Variants in WARS2 observed in about 807,000 individuals in gnomAD.
WARS2 encodes the protein tryptophanyl tRNA synthetase 2, mitochondrial, also known as tryptophan--tRNA ligase, mitochondrial.
A neutral mutation model predicts 36.5 loss-of-function variants in WARS2; 28 were observed. The observed-to-expected ratio is 0.77, with a 90% confidence interval of 0.57 to 1.05. The LOEUF (loss-of-function observed/expected upper bound fraction) is 1.05. Ranked by LOEUF, WARS2 falls within the 50% of genes least tolerant of loss-of-function variation. The probability of loss-of-function intolerance (pLI) is 0.00; values close to 1 mark genes in which losing one functional copy is unlikely to be tolerated. For synonymous variants in WARS2, 174 were observed against 178.4 expected (o/e 0.98, Z 0.20); for missense variants, 435 against 456.8 (o/e 0.95, Z 0.44).
chr1:119,078,897 C>CGT (rs144044142), intron 1 of WARS2, among the ~76,000 whole-genome samples: 31,067 of 148,288 alleles, frequency 0.21, 3,751 homozygotes, highest in Non-Finnish European at 0.29. Context: ...TGAAGGTGCA[C>CGT]GTGTGTGTGT....
At chr1:119,129,733 A>AAAT (rs1655956723) in intron 1 of WARS2, among the ~76,000 whole-genome samples, 1 of 151,828 alleles carries the variant, frequency 6.6e-6, no homozygotes, top group Non-Finnish European at 1.5e-5. Context: ...AAAATAAAAA[A>AAAT]AAAATAAAAT....
rs772986745 is a variant in WARS2 at position 119,033,215 on chromosome 1, G to A, written c.779C>T (p.Ser260Leu). ...GCCAGCCGGGTCATAGGTGACCTCC[G>A]AGGTGAAGTCTGTCACAGCCTTGCG... ...KFRKAVTDFT[S>L]EVTYDPAGRA... Residue 260 changes from serine to leucine, a missense_variant, in exon 6 of 6, where the codon TCG becomes TTG. Coordinates refer to ENST00000235521, the MANE Select transcript of WARS2 (RefSeq NM_015836.4). 2.5e-6 allele frequency: 4 copies of A among 1,614,230 alleles called. No homozygotes were observed. The highest frequency in any genetic ancestry group is 2.5e-6 in the Non-Finnish European group (3 of 1,180,040).
At chr1:119,051,027 CT>C (rs911695419) in intron 2 of WARS2, among the ~76,000 whole-genome samples, 3 of 151,656 alleles carry the variant, frequency 2.0e-5, no homozygotes, top group African/African-American at 7.2e-5. Context: ...CTGCATTTTG[CT>C]TTTTTTTTAA....
At chr1:119,128,557 T>A (rs1655849852) in intron 1 of WARS2, among the ~76,000 whole-genome samples, 1 of 151,946 alleles carries the variant, frequency 6.6e-6, no homozygotes, top group South Asian at 2.1e-4. Context: ...AAAGCTTGAT[T>A]TAACATTCCC....
At chr1:119,087,913 C>T (rs1449584060) in intron 1 of WARS2, among the ~76,000 whole-genome samples, 1 of 152,150 alleles carries the variant, frequency 6.6e-6, no homozygotes. Context: ...GTTTCCAGTA[C>T]CAGCAGTAGC....
chr1:119,113,325 A>G (rs1654766925), intron 1 of WARS2, among the ~76,000 whole-genome samples: 5 of 152,134 alleles, frequency 3.3e-5, no homozygotes, highest in Admixed American at 3.3e-4. Flanking sequence ...TGTAAGAGTC[A>G]TATGCCCAAG....
In WARS2 at chr1:119,045,564, C is replaced by A; in HGVS notation, c.429+18G>T. 1 of 1,575,342 alleles carries A rather than the reference C, an allele frequency of 6.3e-7. No individual in the cohort carries two copies. Among genetic ancestry groups the A allele is most frequent in the South Asian group, 1.2e-5 (1 of 86,886 alleles). ...AATAGCTTCTTGTCTGTTTATTAAT[C>A]AGATTACTGGCATTTACCTTCCACT... On this transcript the variant is annotated intron_variant, in intron 3 of 5. Transcript: ENST00000235521.
At chr1:119,053,221 GAA>G (rs953562308) in intron 2 of WARS2, among the ~76,000 whole-genome samples, 3 of 152,076 alleles carry the variant, frequency 2.0e-5, no homozygotes, top group African/African-American at 7.2e-5. Flanking sequence ...TTTTAAAAAA[GAA>G]GAGGAAAAAT....
intron 1 of WARS2, among the ~76,000 whole-genome samples, chr1:119,080,901 A>C (rs1048954420): frequency 1.3e-5 from 2 of 152,256 alleles, no homozygotes; most frequent in African/African-American, 4.8e-5. Context: ...TTCAAGGGGA[A>C]GCCTGGAGCA....
At chr1:119,085,460 T>G in intron 1 of WARS2, 1 of 1,526,120 alleles carries the variant, frequency 6.6e-7, no homozygotes, top group South Asian at 1.2e-5. Context: ...CTTTTTCTTT[T>G]TTTCCTTTTT....
At chr1:119,051,209 G>A (rs192290789) in intron 2 of WARS2, among the ~76,000 whole-genome samples, 24 of 152,142 alleles carry the variant, frequency 1.6e-4, no homozygotes, top group African/African-American at 5.5e-4. Flanking sequence ...GTAGGCCCCA[G>A]TGTCTGTTGT....
intron 1 of WARS2, among the ~76,000 whole-genome samples, chr1:119,101,850 T>C (rs1653891777): frequency 6.6e-6 from 1 of 152,126 alleles, no homozygotes; most frequent in Non-Finnish European, 1.5e-5. Flanking sequence ...GTGTGCTAGT[T>C]CTAACAACTC....
At chr1:119,089,381 G>A (rs982186000) in intron 1 of WARS2, among the ~76,000 whole-genome samples, 3 of 152,094 alleles carry the variant, frequency 2.0e-5, no homozygotes, top group East Asian at 1.9e-4. Flanking sequence ...TAGTAAGTTC[G>A]AAGAATGACA....
At chr1:119,078,217 T>C (rs1240398499) in intron 1 of WARS2, among the ~76,000 whole-genome samples, 1 of 152,214 alleles carries the variant, frequency 6.6e-6, no homozygotes, top group Non-Finnish European at 1.5e-5. Context: ...ATTAAGACTT[T>C]ATTATATTCA....
At chr1:119,051,762 ATTTTTT>A (rs527937756) in intron 2 of WARS2, among the ~76,000 whole-genome samples, 18 of 114,284 alleles carry the variant, frequency 1.6e-4, no homozygotes, top group Non-Finnish European at 2.3e-4. Flanking sequence ...TCTCGCTGTA[ATTTTTT>A]TTTTTTTTTT....
At chr1:119,097,561 AT>A (rs1653529609) in intron 1 of WARS2, among the ~76,000 whole-genome samples, 1 of 152,206 alleles carries the variant, frequency 6.6e-6, no homozygotes, top group Non-Finnish European at 1.5e-5. Flanking sequence ...CTGTTACCAC[AT>A]TTGTGGAGCA....
At chr1:119,132,517 G>C (rs1255624738) in intron 1 of WARS2, among the ~76,000 whole-genome samples, 1 of 152,046 alleles carries the variant, frequency 6.6e-6, no homozygotes, top group Non-Finnish European at 1.5e-5. Context: ...TTTATGAACT[G>C]GCTGCTCAGA....
intron 1 of WARS2, among the ~76,000 whole-genome samples, chr1:119,114,735 C>CA (rs1280281348): frequency 6.6e-6 from 1 of 152,120 alleles, no homozygotes; most frequent in African/African-American, 2.4e-5. Context: ...GTGTAAGAGA[C>CA]AAAATAGCAA....
At chr1:119,051,615 A>G (rs1649361284) in intron 2 of WARS2, among the ~76,000 whole-genome samples, 1 of 152,154 alleles carries the variant, frequency 6.6e-6, no homozygotes, top group African/African-American at 2.4e-5. Flanking sequence ...GAACTGCCAC[A>G]CTACTTTCCA....
Sources: gnomAD v4.1 joint callset for allele counts (sites outside exome capture counted in the v4.1 genomes callset) on GRCh38, gnomAD v4.1.1 for gene constraint, MANE v1.5 for transcripts, NCBI Gene and HGNC (gene_info 2026-07-23, HGNC 2026-07-21) for gene names.